PTPRM: variants seen among roughly 807,000 people sequenced by gnomAD.
PTPRM encodes protein tyrosine phosphatase receptor type M.
In PTPRM, 47 loss-of-function variants were observed where a neutral mutation model predicts 186.7. The ratio of observed to expected loss-of-function variants is 0.25; its 90% CI spans 0.20 to 0.32. PTPRM has a LOEUF of 0.32. PTPRM is among the 10% of genes least tolerant of loss of function. The pLI, the probability that PTPRM is intolerant of heterozygous loss-of-function variation, is 1.00. For synonymous variants in PTPRM, 668 were observed against 674.9 expected, an observed-to-expected ratio of 0.99 and a Z score of 0.16; for missense variants, 1,494 against 1,865.0, an observed-to-expected ratio of 0.80 and a Z score of 3.66.
chr18:7,919,200 A>G (rs1032018863), intron 4 of PTPRM, among the ~76,000 whole-genome samples: 4 of 152,102 alleles, frequency 2.6e-5, no homozygotes, highest in Admixed American at 6.5e-5. Context: ...CTAAAGCTTT[A>G]TACTACATTT....
chr18:8,064,518 G>T (rs1376487708), intron 7 of PTPRM, among the ~76,000 whole-genome samples: 1 of 151,788 alleles, frequency 6.6e-6, no homozygotes, highest in Non-Finnish European at 1.5e-5. Flanking sequence ...TTTGATTTTT[G>T]TTATGATAAA....
At chr18:7,788,961 CT>C (rs1037002653) in intron 2 of PTPRM, among the ~76,000 whole-genome samples, 2 of 151,724 alleles carry the variant, frequency 1.3e-5, no homozygotes, top group Non-Finnish European at 2.9e-5. Flanking sequence ...TTTGGTTCTC[CT>C]TTTTTTTCAG....
At chr18:8,276,923 G>A (rs959702137) in intron 19 of PTPRM, among the ~76,000 whole-genome samples, 1 of 148,484 alleles carries the variant, frequency 6.7e-6, no homozygotes, top group African/African-American at 2.5e-5. Context: ...AGGATGATTT[G>A]TAGAGATTTG....
chr18:7,953,748 C>T (rs999207423), intron 6 of PTPRM, among the ~76,000 whole-genome samples: 5 of 152,098 alleles, frequency 3.3e-5, no homozygotes, highest in African/African-American at 7.2e-5. Flanking sequence ...AGGTGCAAAC[C>T]TCATGTGGTG....
intron 14 of PTPRM, among the ~76,000 whole-genome samples, chr18:8,185,734 G>T (rs2093633652): frequency 6.6e-6 from 1 of 152,210 alleles, no homozygotes; most frequent in South Asian, 2.1e-4. Context: ...CTCTAGGCAG[G>T]CATATGGAAT....
At chr18:8,360,053 T>A (rs1333864747) in intron 23 of PTPRM, among the ~76,000 whole-genome samples, 3 of 152,142 alleles carry the variant, frequency 2.0e-5, no homozygotes, top group African/African-American at 7.2e-5. Flanking sequence ...CACTGGGGCC[T>A]CTCCCAGGAG....
chr18:8,219,466 C>CAA (rs75422489), intron 14 of PTPRM, among the ~76,000 whole-genome samples: 1 of 144,050 alleles, frequency 6.9e-6, no homozygotes, highest in Non-Finnish European at 1.5e-5. Flanking sequence ...GAGTCCATCT[C>CAA]AAAAAAAAAA....
intron 9 of PTPRM, among the ~76,000 whole-genome samples, chr18:8,078,957 C>A (rs2089980649): frequency 6.6e-6 from 1 of 152,202 alleles, no homozygotes; most frequent in South Asian, 2.1e-4. Flanking sequence ...TTGGGAATCT[C>A]ATTTCAACAT....
At chr18:8,303,602 C>T (rs1334961395) in intron 20 of PTPRM, among the ~76,000 whole-genome samples, 1 of 151,976 alleles carries the variant, frequency 6.6e-6, no homozygotes, top group Admixed American at 6.6e-5. Flanking sequence ...TTTAGGAAGG[C>T]ATAGGGTAGA....
chr18:7,610,554 G>A (rs927749103), intron 1 of PTPRM, among the ~76,000 whole-genome samples: 2 of 152,156 alleles, frequency 1.3e-5, no homozygotes, highest in Admixed American at 1.3e-4. Flanking sequence ...ACATAGCATT[G>A]TTTTGGTCAA....
At chr18:8,231,870 A>C (rs2094291073) in intron 14 of PTPRM, among the ~76,000 whole-genome samples, 1 of 152,172 alleles carries the variant, frequency 6.6e-6, no homozygotes, top group African/African-American at 2.4e-5. Context: ...CTGCCAACAC[A>C]CACACACAGT....
intron 19 of PTPRM, among the ~76,000 whole-genome samples, chr18:8,284,992 T>C (rs1271945829): frequency 6.6e-6 from 1 of 152,234 alleles, no homozygotes; most frequent in East Asian, 1.9e-4. Flanking sequence ...TCCAGGTAGA[T>C]GCTGGGTGCT....
chr18:7,824,759 G>T (rs557969299), intron 2 of PTPRM, among the ~76,000 whole-genome samples: 1 of 152,220 alleles, frequency 6.6e-6, no homozygotes, highest in Admixed American at 6.5e-5. Flanking sequence ...GTGGTAAAAC[G>T]AGAAAGCCCT....
At chr18:8,350,762 C>T (rs540116111) in intron 23 of PTPRM, among the ~76,000 whole-genome samples, 31 of 152,302 alleles carry the variant, frequency 2.0e-4, no homozygotes, top group African/African-American at 6.7e-4. Context: ...AAGCTTATTT[C>T]CCAGCATTCT....
intron 32 of PTPRM, chr18:8,403,238 A>G (rs2095881782): frequency 6.6e-6 from 1 of 152,198 alleles, no homozygotes; most frequent in South Asian, 2.1e-4. Flanking sequence ...TCCTTCACAG[A>G]CATTAAAGGT....
intron 20 of PTPRM, among the ~76,000 whole-genome samples, chr18:8,300,390 T>G (rs1477917494): frequency 1.3e-5 from 2 of 151,752 alleles, no homozygotes; most frequent in African/African-American, 4.8e-5. Flanking sequence ...GTTGTGGAAA[T>G]GAACAGAAAT....
intron 15 of PTPRM, among the ~76,000 whole-genome samples, chr18:8,244,719 G>A (rs1018506011): frequency 2.6e-5 from 4 of 152,174 alleles, no homozygotes; most frequent in African/African-American, 9.7e-5. Flanking sequence ...CATACCAGGT[G>A]TGTAAACCAA....
At chr18:8,064,026 A>G (rs191688926) in intron 7 of PTPRM, among the ~76,000 whole-genome samples, 325 of 152,326 alleles carry the variant, frequency 2.1e-3, no homozygotes, top group Middle Eastern at 0.01. Context: ...TTCTTACTGT[A>G]AGTGTATATC....
chr18:7,723,489 A>G (rs1292378800), intron 1 of PTPRM, among the ~76,000 whole-genome samples: 2 of 152,156 alleles, frequency 1.3e-5, no homozygotes, highest in Non-Finnish European at 2.9e-5. Context: ...GTCCCACTCC[A>G]TGGAGAGAGA....
Sources: gnomAD v4.1 joint callset for allele counts (sites outside exome capture counted in the v4.1 genomes callset) on GRCh38, gnomAD v4.1.1 for gene constraint, MANE v1.5 for transcripts, NCBI Gene and HGNC (gene_info 2026-07-23, HGNC 2026-07-21) for gene names.